PDZK1IP1: variants seen among roughly 807,000 people sequenced by gnomAD.
PDZK1IP1 encodes the protein PDZK1-interacting protein 1.
PDZK1IP1 carries 9 observed loss-of-function variants against 14.7 expected under a neutral mutation model. The observed-to-expected ratio is 0.61, with a 90% CI of 0.37 to 1.07. PDZK1IP1 has a LOEUF of 1.07. PDZK1IP1 is among the 50% of genes least tolerant of loss of function. PDZK1IP1 has a pLI of 0.01. For missense variants in PDZK1IP1, 152 were observed against 148.7 expected, an observed-to-expected ratio of 1.02 and a Z score of -0.11; for synonymous variants, 70 against 61.2, an observed-to-expected ratio of 1.14 and a Z score of -0.67.
intron 1 of PDZK1IP1, among the ~76,000 whole-genome samples, chr1:47,189,629 C>A (rs564322286): frequency 6.6e-6 from 1 of 152,328 alleles, no homozygotes; most frequent in East Asian, 1.9e-4. Flanking sequence ...GGGGCTTGGG[C>A]CTCAAATCCT....
intron 2 of PDZK1IP1, chr1:47,185,372 CA>C: frequency 2.4e-6 from 1 of 416,208 alleles, no homozygotes; most frequent in African/African-American, 2.0e-5. Flanking sequence ...GCCTCCACAG[CA>C]GGCCCTGCAG....
Position 47,183,752 on chromosome 1 carries a change from A to C in PDZK1IP1, c.*219T>G. 1.7e-6 allele frequency: 1 copy of C among 600,180 alleles called. No homozygotes were observed. The highest frequency in any genetic ancestry group is 2.0e-5 in the South Asian group (1 of 50,190). 37.2% of individuals were successfully genotyped at this position (600,180 alleles called of 1,614,324 possible). The stretch of plus-strand genomic sequence containing the variant: ...CTCTCCAGAAGGCTCTTCTGAGCTG[A>C]GCAGGAGACCCCAGGGCCACAGCCG... On this transcript the variant is annotated 3_prime_UTR_variant, in exon 4 of 4. Coordinates refer to ENST00000294338, the MANE Select transcript of PDZK1IP1 (RefSeq NM_005764.4).
chr1:47,184,865 A>AGT (rs1645309262), intron 3 of PDZK1IP1, 137 bp downstream of exon 3: 5 of 688,462 alleles, frequency 7.3e-6, no homozygotes, highest in Non-Finnish European at 1.0e-5. Context: ...CAATCCTCAC[A>AGT]AAGCCCCCAT....
Position 47,189,967 on chromosome 1 carries a change from C to G in PDZK1IP1, c.-35G>C. 6.5e-7 allele frequency: 1 copy of G among 1,532,630 alleles called. No homozygotes were observed. Among genetic ancestry groups the G allele is most frequent in the Non-Finnish European group, 8.7e-7 (1 of 1,143,670 alleles). The allele number at this position is 1,532,630 out of a possible 1,614,324, so 94.9% of individuals were successfully genotyped here. On this transcript the variant is annotated 5_prime_UTR_variant, in exon 1 of 4. Coordinates refer to ENST00000294338, the MANE Select transcript of PDZK1IP1 (RefSeq NM_005764.4). ...AGCTCCTAGCCTTGCTTCTGGCCGC[C>G]GGTGTCTGGGCTCCTGGAGCTGCTG...
intron 1 of PDZK1IP1, 61 bp downstream of exon 1, chr1:47,189,805 G>A (rs1366683924): frequency 9.0e-6 from 12 of 1,327,958 alleles, no homozygotes; most frequent in South Asian, 1.4e-5. Flanking sequence ...GGGGAGGGGA[G>A]CCAGAACACC....
In PDZK1IP1 at chr1:47,187,392, T is replaced by A. The variant is rs953182462; in HGVS notation, c.103A>T (p.Ile35Phe). 1 of 1,612,792 alleles carries A rather than the reference T, an allele frequency of 6.2e-7. No homozygotes were observed. Among genetic ancestry groups the A allele is most frequent in the African/African-American group, 1.3e-5 (1 of 75,036 alleles). ...AGGACCAGGAACACGGCCACCGCGA[T>A]AAGGCCCTGCATCCAGGGCTGAAGG... ...GNLQPWMQGL[I>F]AVAVFLVLVA... is the part of the protein sequence containing the mutation. Residue 35 changes from isoleucine to phenylalanine, a missense_variant, in exon 2 of 4, where the codon ATC (isoleucine) becomes TTC (phenylalanine). Ile to Phe is a conservative substitution (Grantham distance 21). Coordinates refer to ENST00000294338, the MANE Select transcript of PDZK1IP1 (RefSeq NM_005764.4).
At position 47,183,582 on chromosome 1, in the gene PDZK1IP1, T is replaced by C. The variant is rs1569850199; in HGVS notation, c.*389A>G. On this transcript the variant is annotated 3_prime_UTR_variant, in exon 4 of 4. Coordinates refer to ENST00000294338, the MANE Select transcript of PDZK1IP1 (RefSeq NM_005764.4). ...GACTGTCATGATTCAGAAAGCAAGA[T>C]GGGGACTCACTGGAAGCCTGAGGGG... 4.8e-6 allele frequency: 1 copy of C among 209,172 alleles called. No individual in the cohort carries two copies. Among genetic ancestry groups the C allele is most frequent in the East Asian group, 1.2e-4 (1 of 8,020 alleles). The allele number at this position is 209,172 out of a possible 1,614,324, so 13.0% of individuals were successfully genotyped here.
At chr1:47,188,641 C>T (rs972799538) in intron 1 of PDZK1IP1, among the ~76,000 whole-genome samples, 3 of 152,204 alleles carry the variant, frequency 2.0e-5, no homozygotes, top group South Asian at 2.1e-4. Context: ...ACCAAAAGCT[C>T]TCCTGCTGCA....
intron 2 of PDZK1IP1, among the ~76,000 whole-genome samples, chr1:47,186,551 C>A (rs530271921): frequency 6.6e-6 from 1 of 152,224 alleles, no homozygotes. Flanking sequence ...GGAAGAAATG[C>A]CCCTGGGAAC....
At chr1:47,188,688 T>C (rs910452122) in intron 1 of PDZK1IP1, among the ~76,000 whole-genome samples, 2 of 152,108 alleles carry the variant, frequency 1.3e-5, no homozygotes, top group East Asian at 3.8e-4. Flanking sequence ...CTGGCAAATA[T>C]TGGGAAGGAG....
At chr1:47,188,616 T>A (rs1401285380) in intron 1 of PDZK1IP1, among the ~76,000 whole-genome samples, 1 of 152,140 alleles carries the variant, frequency 6.6e-6, no homozygotes. Context: ...TGCTCAAATG[T>A]CCTCCTTTGA....
chr1:47,186,741 T>C (rs147552416), intron 2 of PDZK1IP1, among the ~76,000 whole-genome samples: 71 of 152,300 alleles, frequency 4.7e-4, no homozygotes, highest in South Asian at 1.7e-3. Context: ...TCTATCCTGG[T>C]AGTGACTCCT....
At chr1:47,184,373 A>AAG (rs2148572006) in intron 3 of PDZK1IP1, among the ~76,000 whole-genome samples, 1 of 5,598 alleles carries the variant, frequency 1.8e-4, no homozygotes, top group Admixed American at 2.3e-3. Context: ...GTCCATCCCC[A>AAG]CTGAACCAAT....
At position 47,187,617 on chromosome 1, in the gene PDZK1IP1, T is replaced by A. The variant is rs575061945; in HGVS notation, c.68-190A>T. ...TCTGACCCACTTATGCATCTTAAGCTCCACCGAGCTTAGGAAAAGGAGGGA... is the reference window on the plus strand; with the variant it reads ...TCTGACCCACTTATGCATCTTAAGCACCACCGAGCTTAGGAAAAGGAGGGA... On this transcript the variant is annotated intron_variant, in intron 1 of 3. Coordinates refer to ENST00000294338, the MANE Select transcript of PDZK1IP1 (RefSeq NM_005764.4). 5.3e-5 allele frequency among the ~76,000 whole-genome samples: 8 copies of A among 152,040 alleles called. No individual in the cohort carries two copies. In the South Asian group the frequency reaches 1.7e-3, roughly 32 times the overall value.
Position 47,187,417 on chromosome 1 carries a change from G to C in PDZK1IP1, c.78C>G (p.Asn26Lys). The change falls in exon 2 of 4, where the codon AAC becomes AAG. Residue 26 changes from asparagine to lysine, a missense_variant. Physicochemically the swap from Asn to Lys is moderately conservative, Grantham distance 94. Coordinates refer to ENST00000294338, the MANE Select transcript of PDZK1IP1 (RefSeq NM_005764.4). Reference sequence around the variant, plus strand: ...TAAGGCCCTGCATCCAGGGCTGAAGGTTCCCCAGGCCTAACAAAGGGAGAG... The same window carrying C: ...TAAGGCCCTGCATCCAGGGCTGAAGCTTCCCCAGGCCTAACAAAGGGAGAG... ...PPASCQQGLG[N>K]LQPWMQGLIA... The C allele has an allele frequency of 1.2e-6, 2 of 1,612,622 alleles. No individual in the cohort carries two copies. Among genetic ancestry groups the C allele is most frequent in the African/African-American group, 1.3e-5 (1 of 75,044 alleles).
chr1:47,185,117 G>T lies in PDZK1IP1; in HGVS notation c.177-20C>A. On this transcript the variant is annotated intron_variant, in intron 2 of 3. Transcript: ENST00000294338. ...GGCTCCCTGGGGATGGGATTCATCA[G>T]TGGGGCTCCTCAGTGGGGCCCCCCT... 1 of 1,604,604 alleles carries T rather than the reference G, an allele frequency of 6.2e-7. No individual in the cohort carries two copies. The highest frequency in any genetic ancestry group is 8.5e-7 in the Non-Finnish European group (1 of 1,172,398).
In PDZK1IP1 at chr1:47,183,829, A is replaced by C; in HGVS notation, c.*142T>G. 1.4e-6 allele frequency: 1 copy of C among 722,954 alleles called. No individual in the cohort carries two copies. Among genetic ancestry groups the C allele is most frequent in the Non-Finnish European group, 2.4e-6 (1 of 420,090 alleles). 44.8% of individuals were successfully genotyped at this position (722,954 alleles called of 1,614,324 possible). A position where few individuals can be genotyped will look rare whatever the true frequency, so the allele number is the denominator to read the frequency against. ...TCCAACCTTGGCTGGCTATACTTCA[A>C]GGGCGGGTAGGGCCGGCATGGGGCT... On this transcript the variant is annotated 3_prime_UTR_variant, in exon 4 of 4. Transcript: ENST00000294338.
intron 2 of PDZK1IP1, among the ~76,000 whole-genome samples, 155 bp downstream of exon 2, chr1:47,187,163 AC>A (rs1277132285): frequency 6.7e-6 from 1 of 149,942 alleles, no homozygotes; most frequent in African/African-American, 2.5e-5. Flanking sequence ...ACTGTCACCA[AC>A]CCACCCCATG....
intron 1 of PDZK1IP1, 40 bp from the exon 2 acceptor site, chr1:47,187,467 T>C (rs1645327397): frequency 7.3e-6 from 11 of 1,502,606 alleles, no homozygotes; most frequent in African/African-American, 5.5e-5. Context: ...GGGGCCACAG[T>C]GGGGCTGCAT....
Sources: allele counts gnomAD v4.1 joint callset (sites outside exome capture counted in the v4.1 genomes callset), GRCh38; gene constraint gnomAD v4.1.1; transcripts MANE v1.5; gene names NCBI Gene and HGNC (gene_info 2026-07-23, HGNC 2026-07-21).